Variants in TSC22D1 observed in about 807,000 individuals in gnomAD.
TSC22D1 encodes the protein TSC22 domain family protein 1.
In TSC22D1, 9 loss-of-function variants were observed where a neutral mutation model predicts 74.2. That is an observed-to-expected ratio of 0.12 (90% CI 0.07 to 0.21). The LOEUF (loss-of-function observed/expected upper bound fraction) is 0.21. TSC22D1 is among the 10% of genes least tolerant of loss of function. The pLI, the probability that TSC22D1 is intolerant of heterozygous loss-of-function variation, is 1.00. For synonymous variants in TSC22D1, 586 were observed against 492.5 expected (o/e 1.19, Z -2.51); for missense variants, 1,427 against 1,304.7 (o/e 1.09, Z -1.44).
At chr13:44,504,603 A>G (rs1458513988) in intron 1 of TSC22D1, among the ~76,000 whole-genome samples, 1 of 41,012 alleles carries the variant, frequency 2.4e-5, no homozygotes, top group Non-Finnish European at 6.5e-5. Context: ...GACTGTCTCA[A>G]AAAAAAAAAA....
chr13:44,564,351 G>C (rs1043595099), intron 1 of TSC22D1, among the ~76,000 whole-genome samples: 6 of 152,012 alleles, frequency 3.9e-5, no homozygotes, highest in African/African-American at 1.5e-4. Flanking sequence ...ATCTAATTAC[G>C]AACTGTAATA....
intron 1 of TSC22D1, among the ~76,000 whole-genome samples, chr13:44,495,295 G>GAA (rs34584059): frequency 2.0e-4 from 18 of 90,488 alleles, no homozygotes; most frequent in South Asian, 1.8e-3. Context: ...AAATGCTAAG[G>GAA]AAAAAAAAAA....
chr13:44,464,038 A>G (rs1187973177), intron 1 of TSC22D1, among the ~76,000 whole-genome samples: 1 of 152,162 alleles, frequency 6.6e-6, no homozygotes, highest in Non-Finnish European at 1.5e-5. Flanking sequence ...TGGAAGCCCT[A>G]GCTGACATCT....
chr13:44,518,427 A>T (rs1398849074), intron 1 of TSC22D1, among the ~76,000 whole-genome samples: 1 of 152,182 alleles, frequency 6.6e-6, no homozygotes, highest in African/African-American at 2.4e-5. Context: ...CTTTCATCAA[A>T]TTTTGGTTTA....
In TSC22D1 at chr13:44,434,269, G is replaced by A. The variant is rs540386116; in HGVS notation, c.*357C>T. 4.3e-6 allele frequency: 6 copies of A among 1,390,062 alleles called. No individual in the cohort carries two copies. The highest frequency in any genetic ancestry group is 1.5e-5 in the African/African-American group (1 of 67,298). The allele number at this position is 1,390,062 out of a possible 1,614,324, so 86.1% of individuals were successfully genotyped here. On this transcript the variant is annotated 3_prime_UTR_variant, in exon 3 of 3. Transcript: ENST00000458659. Reference sequence around the variant, plus strand: ...CACAACCCCATGTAGGACACTAAGCGCAAGCAGGAGAGAGAACCCTTGGAA... The same window carrying A: ...CACAACCCCATGTAGGACACTAAGCACAAGCAGGAGAGAGAACCCTTGGAA...
intron 1 of TSC22D1, among the ~76,000 whole-genome samples, chr13:44,552,710 C>T (rs753050926): frequency 2.2e-4 from 34 of 152,096 alleles, no homozygotes; most frequent in Non-Finnish European, 2.6e-4. Context: ...GGTGGTAGGC[C>T]GGGCGTGGTG....
At chr13:44,531,362 T>C (rs1595140885) in intron 1 of TSC22D1, among the ~76,000 whole-genome samples, 2 of 152,302 alleles carry the variant, frequency 1.3e-5, no homozygotes, top group East Asian at 3.9e-4. Context: ...TGCAAATGCA[T>C]TATCAATGGT....
chr13:44,433,872 C>CCA lies in TSC22D1; in HGVS notation c.*752_*753dup. The CCA allele has an allele frequency of 9.3e-7, 1 of 1,072,520 alleles. No homozygotes were observed. Among genetic ancestry groups the CCA allele is most frequent in the Admixed American group, 3.5e-5 (1 of 28,698 alleles). 66.4% of individuals were successfully genotyped at this position (1,072,520 alleles called of 1,614,324 possible). A position where few individuals can be genotyped will look rare whatever the true frequency, so the allele number is the denominator to read the frequency against. The stretch of plus-strand genomic sequence containing the variant: ...TTTATGTAGATCTATATATAAAAGT[C>CCA]CACACCTCCTCAGACAGCCAATGAA... On this transcript the variant is annotated 3_prime_UTR_variant, in exon 3 of 3. Transcript: ENST00000458659.
Position 44,574,937 on chromosome 13 carries a change from T to C in TSC22D1, c.1138A>G (p.Ser380Gly). The stretch of plus-strand genomic sequence containing the variant: ...ATCCCTGCAGCTGCATTAGGAACAC[T>C]GCTAACAGCAGCAGAGGAAGAAATA... ...GTISSSAAVS[S>G]VPNAAAGMTG... Residue 380 changes from serine (S) to glycine (G), a missense_variant, in exon 1 of 3, where the codon AGT becomes GGT. Ser to Gly is a moderately conservative substitution (Grantham distance 56). This residue lies in a region of TSC22D1 where 1,343 missense variants were observed against 1,191.5 expected (regional missense o/e 1.13). Coordinates refer to ENST00000458659, the MANE Select transcript of TSC22D1 (RefSeq NM_183422.4). 1.9e-6 allele frequency: 3 copies of C among 1,614,134 alleles called. No homozygotes were observed. The highest frequency in any genetic ancestry group is 2.5e-6 in the Non-Finnish European group (3 of 1,180,010).
chr13:44,573,680 C>G lies in TSC22D1; in HGVS notation c.2395G>C (p.Val799Leu), dbSNP rs1883946388. The change falls in exon 1 of 3, where the codon GTG becomes CTG. Residue 799 changes from valine to leucine, a missense_variant. Coordinates refer to ENST00000458659, the MANE Select transcript of TSC22D1 (RefSeq NM_183422.4). ...VIASQSSLLTVPPQPQGVEPV... is the reference protein window; with the variant it reads ...VIASQSSLLTLPPQPQGVEPV... The stretch of plus-strand genomic sequence containing the variant: ...TCTACTCCTTGTGGCTGGGGAGGCA[C>G]AGTTAACAAGGAACTTTGGGATGCA... 6.2e-7 allele frequency: 1 copy of G among 1,614,186 alleles called. No homozygotes were observed. The highest frequency in any genetic ancestry group is 2.2e-5 in the East Asian group (1 of 44,884).
At chr13:44,522,987 T>C (rs1367160659) in intron 1 of TSC22D1, among the ~76,000 whole-genome samples, 1 of 146,290 alleles carries the variant, frequency 6.8e-6, no homozygotes, top group Non-Finnish European at 1.5e-5. Flanking sequence ...GAAAAAATCT[T>C]AAAAAAGAGC....
intron 1 of TSC22D1, among the ~76,000 whole-genome samples, chr13:44,508,495 T>C (rs1427265819): frequency 1.3e-5 from 2 of 152,188 alleles, no homozygotes; most frequent in Non-Finnish European, 2.9e-5. Flanking sequence ...AGTTTAACAC[T>C]GCCACCTGGA....
intron 1 of TSC22D1, among the ~76,000 whole-genome samples, chr13:44,487,287 T>A (rs1447989353): frequency 2.0e-5 from 3 of 151,010 alleles, no homozygotes; most frequent in African/African-American, 7.3e-5. Context: ...TCACCTGAGG[T>A]CAGGAGTTCA....
At chr13:44,479,068 G>A (rs998158397) in intron 1 of TSC22D1, among the ~76,000 whole-genome samples, 1 of 152,088 alleles carries the variant, frequency 6.6e-6, no homozygotes, top group Non-Finnish European at 1.5e-5. Context: ...ATGGCCCTAG[G>A]AGCAGATCCA....
chr13:44,529,329 C>T (rs1023880348), intron 1 of TSC22D1, among the ~76,000 whole-genome samples: 2 of 151,930 alleles, frequency 1.3e-5, no homozygotes, highest in Non-Finnish European at 2.9e-5. Flanking sequence ...ATCATGTGAT[C>T]CTATCAATAA....
At chr13:44,521,133 C>T (rs1475237130) in intron 1 of TSC22D1, among the ~76,000 whole-genome samples, 1 of 152,046 alleles carries the variant, frequency 6.6e-6, no homozygotes, top group Non-Finnish European at 1.5e-5. Flanking sequence ...TAAGACTGCC[C>T]CTAGAGCACC....
chr13:44,487,012 T>TAA (rs539942405), intron 1 of TSC22D1, among the ~76,000 whole-genome samples: 2 of 148,700 alleles, frequency 1.3e-5, no homozygotes, highest in African/African-American at 4.9e-5. Context: ...TTAGGAAATG[T>TAA]AAAAAAAAAA....
rs1595098155 is a variant in TSC22D1, at chr13:44,465,950, G to A, written c.2913-29855C>T. Among the ~76,000 whole-genome samples the A allele has an allele frequency of 2.0e-5, 3 of 151,034 alleles. No homozygotes were observed. The South Asian group carries it at 6.3e-4, about 32-fold the overall frequency. ...ATTGTGCCATTGCACTCCAGCCTGG[G>A]CAACAAGAGCGAAACTCTGCCTCAA... On this transcript the variant is annotated intron_variant, in intron 1 of 2. Transcript: ENST00000458659.
At chr13:44,552,168 A>G (rs1372894143) in intron 1 of TSC22D1, among the ~76,000 whole-genome samples, 1 of 152,194 alleles carries the variant, frequency 6.6e-6, no homozygotes, top group Non-Finnish European at 1.5e-5. Context: ...TTTTAGCCCC[A>G]AATCTTTTAG....
Sources: allele counts gnomAD v4.1 joint callset (sites outside exome capture counted in the v4.1 genomes callset), GRCh38; gene constraint gnomAD v4.1.1; regional missense constraint gnomAD v4.1.1; transcripts MANE v1.5; gene names NCBI Gene and HGNC (gene_info 2026-07-23, HGNC 2026-07-21).